The following PRDM16 variants were observed in gnomAD, a reference collection of about 807,000 sequenced individuals.
PRDM16 encodes histone-lysine N-methyltransferase PRDM16.
PRDM16 carries 23 observed loss-of-function variants against 110.6 expected under a neutral mutation model. The observed-to-expected ratio is 0.21, with a 90% CI of 0.15 to 0.29. The LOEUF (loss-of-function observed/expected upper bound fraction) is 0.29. PRDM16 is among the 10% of genes least tolerant of loss of function. PRDM16 has a pLI of 1.00. For missense variants in PRDM16, 1,615 were observed against 1,794.3 expected (o/e 0.90, Z 1.81); for synonymous variants, 799 against 781.8 (o/e 1.02, Z -0.37).
chr1:3,212,372 G>A (rs1227895485), intron 2 of PRDM16, among the ~76,000 whole-genome samples: 3 of 152,146 alleles, frequency 2.0e-5, no homozygotes, highest in Non-Finnish European at 4.4e-5. Context: ...TGGCCTGAGT[G>A]GGCGGTGGGG....
At chr1:3,121,223 G>T (rs867544284) in intron 1 of PRDM16, among the ~76,000 whole-genome samples, 40 of 152,180 alleles carry the variant, frequency 2.6e-4, no homozygotes, top group African/African-American at 9.2e-4. Context: ...GGTCAGGACG[G>T]AGCCTGCCCC....
intron 4 of PRDM16, among the ~76,000 whole-genome samples, chr1:3,392,875 C>A (rs945718651): frequency 5.3e-5 from 8 of 152,244 alleles, no homozygotes; most frequent in Admixed American, 3.3e-4. Context: ...AAGAAGCCGC[C>A]TCTTTGTGTC....
rs758567473 is a variant in PRDM16 at position 3,069,254 on chromosome 1, G to A, written c.-6G>A. ...GAGGAGGAGAGAGATTCCGCGAGCCGACACCATGCGATCCAAGGCGAGGGC... is the reference window on the plus strand; with the variant it reads ...GAGGAGGAGAGAGATTCCGCGAGCCAACACCATGCGATCCAAGGCGAGGGC... On this transcript the variant is annotated 5_prime_UTR_variant, in exon 1 of 17. Coordinates refer to ENST00000270722, the MANE Select transcript of PRDM16 (RefSeq NM_022114.4). This position sits in a 1 kb window ranked among gnomAD's most constrained non-coding sequence, Gnocchi z 6.1. The A allele has an allele frequency of 1.9e-6, 3 of 1,575,572 alleles. No homozygotes were observed. In the Admixed American group the frequency reaches 5.4e-5, roughly 28 times the overall value.
intron 2 of PRDM16, among the ~76,000 whole-genome samples, chr1:3,217,660 T>G (rs911689411): frequency 2.0e-5 from 3 of 152,108 alleles, no homozygotes; most frequent in Non-Finnish European, 4.4e-5. Context: ...GAAGCAGCGT[T>G]TTCACTCACG....
At position 3,106,739 on chromosome 1, in the gene PRDM16, G is replaced by A. The variant is rs184708653; in HGVS notation, c.37+37443G>A. On this transcript the variant is annotated intron_variant, in intron 1 of 16. Coordinates refer to ENST00000270722, the MANE Select transcript of PRDM16 (RefSeq NM_022114.4). ...GCCAGCATGGGGGGGAGCAGCTCCC[G>A]GCGGGCTGCCTGAGGGTCCACTGGT... is the stretch of plus-strand genomic sequence containing the variant. 1.9e-4 allele frequency among the ~76,000 whole-genome samples: 29 copies of A among 152,308 alleles called. No homozygotes were observed. The East Asian group carries it at 4.8e-3, about 25-fold the overall frequency.
intron 4 of PRDM16, among the ~76,000 whole-genome samples, chr1:3,395,913 G>A (rs1643378505): frequency 6.6e-6 from 1 of 152,158 alleles, no homozygotes; most frequent in East Asian, 1.9e-4. Flanking sequence ...TCCCGCCTGT[G>A]GGGTCAGCAG....
At chr1:3,122,188 C>T (rs1009735990) in intron 1 of PRDM16, among the ~76,000 whole-genome samples, 9 of 152,170 alleles carry the variant, frequency 5.9e-5, no homozygotes, top group African/African-American at 1.7e-4. Flanking sequence ...TCCGCCTGCG[C>T]ACTCCTCCCG....
At chr1:3,106,596 T>C (rs1570257931) in intron 1 of PRDM16, among the ~76,000 whole-genome samples, 4 of 151,960 alleles carry the variant, frequency 2.6e-5, no homozygotes, top group Admixed American at 2.6e-4. Flanking sequence ...GTGGTGTGGG[T>C]GCGCTGGGTG....
At chr1:3,399,754 G>A (rs900125468) in intron 5 of PRDM16, among the ~76,000 whole-genome samples, 16 of 152,076 alleles carry the variant, frequency 1.1e-4, no homozygotes, top group African/African-American at 3.9e-4. Flanking sequence ...TAATATGAGT[G>A]GGTGGGGTTG....
intron 1 of PRDM16, among the ~76,000 whole-genome samples, chr1:3,108,436 A>G (rs1049369829): frequency 2.6e-5 from 4 of 152,198 alleles, no homozygotes; most frequent in African/African-American, 9.6e-5. Context: ...GTTACCAAGT[A>G]ACCTGCAAAA....
chr1:3,381,331 CAGGGATTTA>C (rs1342549358), intron 3 of PRDM16, among the ~76,000 whole-genome samples: 10 of 151,428 alleles, frequency 6.6e-5, no homozygotes, highest in Non-Finnish European at 1.2e-4. Flanking sequence ...ATTGTTTTTC[CAGGGATTTA>C]TTGGGGAGAG....
At chr1:3,111,168 G>C (rs1364087893) in intron 1 of PRDM16, among the ~76,000 whole-genome samples, 1 of 152,174 alleles carries the variant, frequency 6.6e-6, no homozygotes, top group African/African-American at 2.4e-5. Context: ...CCTGGCCTTG[G>C]GCCCTGCTGG....
intron 1 of PRDM16, among the ~76,000 whole-genome samples, chr1:3,109,757 T>A (rs2100635980): frequency 6.6e-6 from 1 of 152,284 alleles, no homozygotes; most frequent in East Asian, 1.9e-4. Context: ...TATTACGGGG[T>A]CTCAAAGCCA....
intron 3 of PRDM16, among the ~76,000 whole-genome samples, chr1:3,351,836 G>A (rs1261698089): frequency 6.8e-6 from 1 of 147,234 alleles, no homozygotes; most frequent in African/African-American, 2.5e-5. Flanking sequence ...CATTTGGGGG[G>A]TTCCGCCTCC....
At chr1:3,079,866 T>A (rs1641981579) in intron 1 of PRDM16, among the ~76,000 whole-genome samples, 1 of 152,242 alleles carries the variant, frequency 6.6e-6, no homozygotes, top group Non-Finnish European at 1.5e-5. Flanking sequence ...ACTCTGTTTT[T>A]GTTGATCAGC....
At chr1:3,241,485 C>G (rs1639673322) in intron 2 of PRDM16, among the ~76,000 whole-genome samples, 2 of 152,236 alleles carry the variant, frequency 1.3e-5, no homozygotes, top group Admixed American at 1.3e-4. Context: ...CAGGTCCCAC[C>G]TCCTGACGCC....
At chr1:3,267,103 C>T (rs191863291) in intron 3 of PRDM16, among the ~76,000 whole-genome samples, 10 of 152,214 alleles carry the variant, frequency 6.6e-5, no homozygotes, top group African/African-American at 2.2e-4. Context: ...ATTTTGCAGC[C>T]GCCTCTGTCT....
At chr1:3,375,247 C>T (rs889661061) in intron 3 of PRDM16, among the ~76,000 whole-genome samples, 2 of 152,162 alleles carry the variant, frequency 1.3e-5, no homozygotes, top group African/African-American at 2.4e-5. Flanking sequence ...TGCTGGTACT[C>T]CCCCCAGGAC....
intron 3 of PRDM16, among the ~76,000 whole-genome samples, chr1:3,349,724 G>C (rs1032184779): frequency 7.2e-5 from 11 of 152,168 alleles, no homozygotes; most frequent in African/African-American, 2.7e-4. Context: ...TGCGCTCTGG[G>C]GGTCTTCAAA....
Sources: allele counts gnomAD v4.1 joint callset (sites outside exome capture counted in the v4.1 genomes callset), GRCh38; gene constraint gnomAD v4.1.1; non-coding constraint Gnocchi (gnomAD v3.1); transcripts MANE v1.5; gene names NCBI Gene and HGNC (gene_info 2026-07-23, HGNC 2026-07-21).